Variants in ERBB4 observed in about 807,000 individuals in gnomAD.
The protein encoded by ERBB4 is erb-b2 receptor tyrosine kinase 4.
In ERBB4, 42 loss-of-function variants were observed where a neutral mutation model predicts 158.0. The ratio of observed to expected loss-of-function variants is 0.27; its 90% CI spans 0.21 to 0.34. ERBB4 has a LOEUF of 0.34. Ranked by LOEUF, ERBB4 falls within the 10% of genes least tolerant of loss-of-function variation. ERBB4 has a pLI of 1.00. For synonymous variants in ERBB4, 583 were observed against 558.7 expected (o/e 1.04, Z -0.61); for missense variants, 1,333 against 1,624.1 (o/e 0.82, Z 3.08).
chr2:211,988,926 A>AT (rs975652614), intron 2 of ERBB4, among the ~76,000 whole-genome samples: 13 of 151,876 alleles, frequency 8.6e-5, no homozygotes, highest in African/African-American at 2.4e-4. Context: ...TTTGCAATCT[A>AT]TTTTTTTCTA....
chr2:211,529,934 C>A (rs879353816), intron 20 of ERBB4, among the ~76,000 whole-genome samples: 1 of 151,990 alleles, frequency 6.6e-6, no homozygotes, highest in Non-Finnish European at 1.5e-5. Context: ...AGATTTGAAA[C>A]GTGACAAAGA....
intron 20 of ERBB4, among the ~76,000 whole-genome samples, chr2:211,545,663 C>T (rs551817987): frequency 2.0e-5 from 3 of 152,124 alleles, no homozygotes; most frequent in Non-Finnish European, 4.4e-5. Flanking sequence ...AGGAGTATGG[C>T]CCCATTAGTA....
At chr2:212,387,725 A>G (rs549092124) in intron 1 of ERBB4, among the ~76,000 whole-genome samples, 1 of 152,002 alleles carries the variant, frequency 6.6e-6, no homozygotes, top group Non-Finnish European at 1.5e-5. Context: ...GCAAATTAGA[A>G]CACATTTGAA....
At chr2:212,459,016 C>T (rs763156496) in intron 1 of ERBB4, among the ~76,000 whole-genome samples, 15 of 152,010 alleles carry the variant, frequency 9.9e-5, no homozygotes, top group East Asian at 3.9e-4. Flanking sequence ...TATTTTCATT[C>T]GCTAATTAGC....
chr2:212,331,075 C>CAT lies in ERBB4; in HGVS notation c.83-206174_83-206173dup, dbSNP rs1553619158. Among the ~76,000 whole-genome samples the CAT allele has an allele frequency of 1.3e-3, 27 of 21,300 alleles. 1 individual carries two copies. The highest frequency in any genetic ancestry group is 2.0e-3 in the Non-Finnish European group (11 of 5,410). 14.0% of individuals were successfully genotyped at this position (21,300 alleles called of 152,430 possible). On this transcript the variant is annotated intron_variant, in intron 1 of 27. Transcript: ENST00000342788. Reference sequence around the variant, plus strand: ...TGTAATTTGTATATATATATATACACATATATATATATGCCCATAACACTT... The same window carrying CAT: ...TGTAATTTGTATATATATATATACACATATATATATATATGCCCATAACACTT...
chr2:212,320,731 G>A (rs2106264104), intron 1 of ERBB4, among the ~76,000 whole-genome samples: 1 of 150,042 alleles, frequency 6.7e-6, no homozygotes, highest in Non-Finnish European at 1.5e-5. Flanking sequence ...TCTGGCCCTA[G>A]GGCCAGGTTT....
chr2:211,612,879 C>A (rs528419771), intron 19 of ERBB4, among the ~76,000 whole-genome samples: 1 of 151,944 alleles, frequency 6.6e-6, no homozygotes, highest in Non-Finnish European at 1.5e-5. Context: ...CATTTACTCT[C>A]GAATTGGAGG....
At chr2:212,347,511 C>G (rs1397065974) in intron 1 of ERBB4, among the ~76,000 whole-genome samples, 1 of 152,080 alleles carries the variant, frequency 6.6e-6, no homozygotes, top group Non-Finnish European at 1.5e-5. Context: ...TGTTACACTT[C>G]CTTATACAAC....
chr2:212,214,691 TG>T (rs34893787), intron 1 of ERBB4, among the ~76,000 whole-genome samples: 84,030 of 151,226 alleles, frequency 0.56, 23,571 homozygotes, highest in East Asian at 0.77. Context: ...GAAAACCCTT[TG>T]GCAATATGAA....
chr2:211,523,287 C>T (rs2066239666), intron 20 of ERBB4, among the ~76,000 whole-genome samples: 1 of 146,564 alleles, frequency 6.8e-6, no homozygotes, highest in African/African-American at 2.5e-5. Context: ...CAATGCAACC[C>T]CTCACACATC....
At chr2:211,733,990 T>C (rs958255978) in intron 5 of ERBB4, among the ~76,000 whole-genome samples, 5 of 151,972 alleles carry the variant, frequency 3.3e-5, no homozygotes, top group Admixed American at 1.3e-4. Context: ...TGCAGCGAGC[T>C]GAGATCATGC....
At chr2:212,484,596 T>A (rs1689880085) in intron 1 of ERBB4, among the ~76,000 whole-genome samples, 1 of 152,194 alleles carries the variant, frequency 6.6e-6, no homozygotes, top group African/African-American at 2.4e-5. Flanking sequence ...GTGTTGTACA[T>A]AATAAAAGTT....
intron 2 of ERBB4, among the ~76,000 whole-genome samples, chr2:212,116,071 T>C (rs2079562959): frequency 6.6e-6 from 1 of 152,052 alleles, no homozygotes; most frequent in South Asian, 2.1e-4. Flanking sequence ...TTGTTTTCAT[T>C]ATTTAGTAGG....
At chr2:212,048,818 A>T (rs1396539428) in intron 2 of ERBB4, among the ~76,000 whole-genome samples, 1 of 152,194 alleles carries the variant, frequency 6.6e-6, no homozygotes, top group Non-Finnish European at 1.5e-5. Context: ...CTGGGACTGG[A>T]TGAGATCATT....
At chr2:212,535,953 A>C (rs1230965744) in intron 1 of ERBB4, among the ~76,000 whole-genome samples, 2 of 152,236 alleles carry the variant, frequency 1.3e-5, no homozygotes, top group Non-Finnish European at 2.9e-5. Flanking sequence ...AAAATATGCC[A>C]CTTTCCCCTG....
chr2:211,585,678 G>GA lies in ERBB4; in HGVS notation c.2302-23591dup, dbSNP rs905525936. Among the ~76,000 whole-genome samples, 31 of 151,992 alleles carry GA rather than the reference G, an allele frequency of 2.0e-4. 1 individual carries two copies. The highest frequency in any genetic ancestry group is 7.5e-4 in the African/African-American group (31 of 41,498). On this transcript the variant is annotated intron_variant, in intron 19 of 27. Coordinates refer to ENST00000342788, the MANE Select transcript of ERBB4 (RefSeq NM_005235.3). ...CACTGACTTAGAATGGATAAGTTGA[G>GA]AAAAAAAGCATTTGAGCAAATAGGG...
At chr2:211,745,685 T>C (rs990994731) in intron 5 of ERBB4, among the ~76,000 whole-genome samples, 3 of 146,904 alleles carry the variant, frequency 2.0e-5, no homozygotes, top group African/African-American at 7.5e-5. Context: ...CATTGTTGAA[T>C]TTCATTGTGC....
chr2:211,491,513 C>G (rs2065342821), intron 20 of ERBB4, among the ~76,000 whole-genome samples: 2 of 151,932 alleles, frequency 1.3e-5, no homozygotes, highest in South Asian at 4.1e-4. Context: ...TTTAGGGTAT[C>G]AATTTATTAT....
chr2:212,423,783 T>C (rs1470923489), intron 1 of ERBB4, among the ~76,000 whole-genome samples: 1 of 152,174 alleles, frequency 6.6e-6, no homozygotes. Context: ...TGATACACCA[T>C]GCAAACAGAA....
Sources: gnomAD v4.1 joint callset for allele counts (sites outside exome capture counted in the v4.1 genomes callset) on GRCh38, gnomAD v4.1.1 for gene constraint, MANE v1.5 for transcripts, NCBI Gene and HGNC (gene_info 2026-07-23, HGNC 2026-07-21) for gene names.